Variants in CEP290 observed in about 807,000 individuals in gnomAD.
The protein encoded by CEP290 is centrosomal protein of 290 kDa.
Under a neutral mutation model 344.9 loss-of-function variants are expected in CEP290, and 317 were observed. That is an observed-to-expected ratio of 0.92 (90% CI 0.84 to 1.01). The LOEUF is 1.01. CEP290 is among the 50% of genes least tolerant of loss of function. CEP290 has a pLI of 0.00. For missense variants in CEP290, 2,754 were observed against 2,761.4 expected, an observed-to-expected ratio of 1.00 and a Z score of 0.06; for synonymous variants, 932 against 895.8, an observed-to-expected ratio of 1.04 and a Z score of -0.72.
intron 45 of CEP290, 55 bp from the exon 46 acceptor site, chr12:88,062,833 A>G: frequency 8.8e-7 from 1 of 1,132,640 alleles, no homozygotes; most frequent in South Asian, 1.4e-5. Flanking sequence ...GCCATTGAAA[A>G]GAAAAGGCAA....
At position 88,107,055 on chromosome 12, in the gene CEP290, C is replaced by T. The variant is rs1340246815; in HGVS notation, c.2527G>A (p.Glu843Lys). The change falls in exon 24 of 54, where the codon GAA (glutamate) becomes AAA (lysine). Residue 843 changes from glutamate to lysine, a missense_variant. Physicochemically the swap from Glu to Lys is moderately conservative, Grantham distance 56 (BLOSUM62 1). Coordinates refer to ENST00000552810, the MANE Select transcript of CEP290 (RefSeq NM_025114.4). ...WKTESKTIKE[E>K]KRKLEDQVQQ... ...ACTTGATCCTCAAGTTTTCTCTTTT[C>T]CTCTTTTATTGTTTTAGATTCTGTT... 3 of 1,554,024 alleles carry T rather than the reference C, an allele frequency of 1.9e-6. No homozygotes were observed. In the Admixed American group the frequency reaches 6.0e-5, roughly 31 times the overall value.
At chr12:88,080,828 A>G (rs1444243970) in intron 37 of CEP290, among the ~76,000 whole-genome samples, 3 of 152,182 alleles carry the variant, frequency 2.0e-5, no homozygotes, top group Non-Finnish European at 2.9e-5. Context: ...CTTACAATCT[A>G]AATCTTGATG....
chr12:88,098,534 C>A (rs1303582132), intron 26 of CEP290, among the ~76,000 whole-genome samples: 1 of 151,766 alleles, frequency 6.6e-6, no homozygotes, highest in Non-Finnish European at 1.5e-5. Flanking sequence ...ATTACTTGAT[C>A]CCAGGAGGGC....
At chr12:88,064,975 T>C (rs1340416060) in intron 44 of CEP290, among the ~76,000 whole-genome samples, 1 of 152,124 alleles carries the variant, frequency 6.6e-6, no homozygotes, top group Non-Finnish European at 1.5e-5. Context: ...TTGAAAACCA[T>C]TAATATTATA....
chr12:88,113,062 G>A (rs1378409333), intron 20 of CEP290, among the ~76,000 whole-genome samples: 1 of 152,114 alleles, frequency 6.6e-6, no homozygotes, highest in East Asian at 1.9e-4. Flanking sequence ...ATTGCTAGGT[G>A]ATTTGTGAAT....
At chr12:88,058,662 A>C in intron 49 of CEP290, 186 bp downstream of exon 49, 1 of 649,816 alleles carries the variant, frequency 1.5e-6, no homozygotes, top group Non-Finnish European at 2.6e-6. Context: ...TAAACAAGTT[A>C]AACATTTCAA....
Position 88,058,888 on chromosome 12 carries a change from C to G in CEP290, c.6778G>C (p.Gly2260Arg), listed in dbSNP as rs371397659. Residue 2260 changes from glycine to arginine, a missense_variant, in exon 49 of 54, where the codon GGT becomes CGT. By Grantham distance (125) the Gly-to-Arg change is moderately radical. Transcript: ENST00000552810. ...FAESRGPQLE[G>R]ADSKSWKSIV... ...GATTTCCAGCTCTTACTGTCAGCAC[C>G]TTCAAGCTGTGGACCTCTGCTTTCT... 3.1e-6 allele frequency: 5 copies of G among 1,613,814 alleles called. No individual in the cohort carries two copies. The highest frequency in any genetic ancestry group is 4.2e-6 in the Non-Finnish European group (5 of 1,179,896).
intron 31 of CEP290, 78 bp from the exon 32 acceptor site, chr12:88,088,022 T>A: frequency 2.0e-6 from 1 of 508,492 alleles, no homozygotes. Context: ...ATAATGATTT[T>A]AATTGAAAGT....
rs376325426 is a variant in CEP290, at chr12:88,050,145, T to G, written c.7209+209A>C. ...TATTTGTTACAATTAAAAAATAAAT[T>G]TACTACTTAATCCTATGTTGAGTCT... is the stretch of plus-strand genomic sequence containing the variant. On this transcript the variant is annotated intron_variant, in intron 53 of 53. Transcript: ENST00000552810. 2.2e-4 allele frequency: 85 copies of G among 387,700 alleles called. 3 individuals carry two copies. The South Asian group carries it at 5.1e-3, about 23-fold the overall frequency. 24.0% of individuals were successfully genotyped at this position (387,700 alleles called of 1,614,324 possible).
At chr12:88,069,171 T>C (rs2136922491) in intron 43 of CEP290, among the ~76,000 whole-genome samples, 1 of 152,270 alleles carries the variant, frequency 6.6e-6, no homozygotes, top group East Asian at 1.9e-4. Flanking sequence ...CTACCTTTAC[T>C]TAGGTAAATA....
chr12:88,086,376 A>C lies in CEP290; in HGVS notation c.4302+15T>G. On this transcript the variant is annotated intron_variant, in intron 33 of 53. Transcript: ENST00000552810. ...ACTATGCTACAGAGTAACAAACAAG[A>C]TTAATCATTCATACCTTTTGTGCCG... 6.4e-7 allele frequency: 1 copy of C among 1,562,408 alleles called. No homozygotes were observed.
At chr12:88,122,006 T>C (rs1239422031) in intron 13 of CEP290, among the ~76,000 whole-genome samples, 1 of 152,198 alleles carries the variant, frequency 6.6e-6, no homozygotes, top group Non-Finnish European at 1.5e-5. Flanking sequence ...CATTCCAAAA[T>C]TGATTGACAG....
chr12:88,093,395 T>A (rs1327279840), intron 28 of CEP290, among the ~76,000 whole-genome samples: 3 of 152,074 alleles, frequency 2.0e-5, no homozygotes, highest in Admixed American at 2.0e-4. Flanking sequence ...GTAAAGTCCC[T>A]GAAAGTAGAG....
At chr12:88,112,314 A>G (rs2038745228) in intron 20 of CEP290, among the ~76,000 whole-genome samples, 1 of 152,174 alleles carries the variant, frequency 6.6e-6, no homozygotes, top group Non-Finnish European at 1.5e-5. Flanking sequence ...ACCTGCATTC[A>G]AAGCATGCGC....
intron 31 of CEP290, among the ~76,000 whole-genome samples, chr12:88,088,588 A>G (rs993993049): frequency 3.3e-5 from 5 of 152,220 alleles, no homozygotes; most frequent in African/African-American, 7.2e-5. Context: ...AATAGCCAAC[A>G]CTGCTAAGTT....
chr12:88,081,654 T>C (rs546925904), intron 37 of CEP290, among the ~76,000 whole-genome samples: 7 of 152,222 alleles, frequency 4.6e-5, no homozygotes, highest in Non-Finnish European at 1.0e-4. Context: ...CACAGATCCA[T>C]AATCTCCTAA....
At chr12:88,092,893 A>G (rs1052920275) in intron 28 of CEP290, 61 bp from the exon 29 acceptor site, 64 of 1,513,574 alleles carry the variant, frequency 4.2e-5, no homozygotes, top group Non-Finnish European at 5.8e-5. Context: ...TTTCTTTGTA[A>G]TTTAGCTTTT....
chr12:88,136,522 G>C (rs1192789985), intron 6 of CEP290, 121 bp downstream of exon 6: 1 of 961,792 alleles, frequency 1.0e-6, no homozygotes, highest in Admixed American at 2.2e-5. Flanking sequence ...AAACCTTAGA[G>C]ATAAGTGTAC....
In CEP290 at chr12:88,071,811, T is replaced by C. The variant is rs750783436; in HGVS notation, c.5825A>G (p.Gln1942Arg). ...AAAAAGATCCTTCAAAGTATTCAACTGCTTTGTTAAAGTAAAGACTTCCCC... is the reference window on the plus strand; with the variant it reads ...AAAAAGATCCTTCAAAGTATTCAACCGCTTTGTTAAAGTAAAGACTTCCCC... ...KEGEVFTLTK[Q>R]LNTLKDLFAK... Residue 1942 changes from glutamine (Q) to arginine (R), a missense_variant, in exon 42 of 54, where the codon CAG becomes CGG. By Grantham distance (43) the Gln-to-Arg change is conservative. Coordinates refer to ENST00000552810, the MANE Select transcript of CEP290 (RefSeq NM_025114.4). The C allele has an allele frequency of 1.9e-6, 3 of 1,601,586 alleles. No individual in the cohort carries two copies. The highest frequency in any genetic ancestry group is 1.1e-5 in the South Asian group (1 of 87,744).
Sources: allele counts gnomAD v4.1 joint callset (sites outside exome capture counted in the v4.1 genomes callset), GRCh38; gene constraint gnomAD v4.1.1; transcripts MANE v1.5; gene names NCBI Gene and HGNC (gene_info 2026-07-23, HGNC 2026-07-21).